EXT2: variants seen among roughly 807,000 people sequenced by gnomAD.
The protein encoded by EXT2 is exostosin-2.
EXT2 carries 53 observed loss-of-function variants against 81.6 expected under a neutral mutation model. The ratio of observed to expected loss-of-function variants is 0.65; its 90% CI spans 0.52 to 0.82. The LOEUF (loss-of-function observed/expected upper bound fraction) is 0.82. Among genes scored for constraint, EXT2 ranks in the 40% least tolerant of loss-of-function variants. The probability of loss-of-function intolerance (pLI) is 0.00; values close to 1 mark genes in which losing one functional copy is unlikely to be tolerated. For synonymous variants in EXT2, 320 were observed against 340.0 expected, an observed-to-expected ratio of 0.94 and a Z score of 0.65; for missense variants, 774 against 910.2, an observed-to-expected ratio of 0.85 and a Z score of 1.93.
At chr11:44,223,489 G>A (rs987564416) in intron 10 of EXT2, among the ~76,000 whole-genome samples, 1 of 152,160 alleles carries the variant, frequency 6.6e-6, no homozygotes, top group African/African-American at 2.4e-5. Flanking sequence ...CAGCTTGGAT[G>A]ATTCTCCAGG....
intron 8 of EXT2, among the ~76,000 whole-genome samples, chr11:44,172,220 C>T (rs903549828): frequency 3.3e-5 from 5 of 152,154 alleles, no homozygotes; most frequent in Non-Finnish European, 4.4e-5. Flanking sequence ...AGAGGCATTA[C>T]GGATTGCTAT....
intron 1 of EXT2, among the ~76,000 whole-genome samples, chr11:44,102,956 T>C (rs1386480775): frequency 6.6e-6 from 1 of 152,196 alleles, no homozygotes; most frequent in Non-Finnish European, 1.5e-5. Context: ...TCCCTGTTGC[T>C]TATATGTGCT....
At chr11:44,233,215 T>A (rs1177849769) in intron 11 of EXT2, among the ~76,000 whole-genome samples, 1 of 152,204 alleles carries the variant, frequency 6.6e-6, no homozygotes, top group African/African-American at 2.4e-5. Context: ...TGTGTGTGTG[T>A]CTGTTGGTTT....
At chr11:44,148,623 T>C (rs1366970823) in intron 7 of EXT2, among the ~76,000 whole-genome samples, 1 of 152,198 alleles carries the variant, frequency 6.6e-6, no homozygotes, top group Non-Finnish European at 1.5e-5. Flanking sequence ...AATAAATTAA[T>C]ACAGGTAAAA....
At chr11:44,176,561 A>C (rs1355742340) in intron 8 of EXT2, among the ~76,000 whole-genome samples, 1 of 152,218 alleles carries the variant, frequency 6.6e-6, no homozygotes, top group Non-Finnish European at 1.5e-5. Flanking sequence ...GATTTAAAGC[A>C]GTGGGTTATA....
intron 1 of EXT2, among the ~76,000 whole-genome samples, chr11:44,096,722 A>C (rs1953904350): frequency 6.6e-6 from 1 of 152,222 alleles, no homozygotes; most frequent in African/African-American, 2.4e-5. Flanking sequence ...AACCAGATCT[A>C]AACACACAAT....
rs548190792 is a variant in EXT2, at chr11:44,170,837, C to T, written c.1174-774C>T. On this transcript the variant is annotated intron_variant, in intron 7 of 13. Transcript: ENST00000533608. Reference sequence around the variant, plus strand: ...ACACACACACACACACACACACACACACACACACACACACACACACCAATC... The same window carrying T: ...ACACACACACACACACACACACACATACACACACACACACACACACCAATC... Among the ~76,000 whole-genome samples, 1,222 of 148,632 alleles carry T rather than the reference C, an allele frequency of 8.2e-3. 22 individuals are homozygous for T. Among genetic ancestry groups the T allele is most frequent in the African/African-American group, 0.03 (1,137 of 38,526 alleles).
intron 8 of EXT2, among the ~76,000 whole-genome samples, chr11:44,184,341 A>G (rs998442678): frequency 5.9e-5 from 9 of 152,352 alleles, no homozygotes; most frequent in Admixed American, 2.0e-4. Flanking sequence ...TCTTGGTTTA[A>G]TAAAACTAGC....
rs534245014 is a variant in EXT2, at chr11:44,165,311, T to A, written c.1174-6300T>A. 1.9e-4 allele frequency among the ~76,000 whole-genome samples: 29 copies of A among 152,356 alleles called. No individual in the cohort carries two copies. In the East Asian group the frequency reaches 5.6e-3, roughly 29 times the overall value. Reference sequence around the variant, plus strand: ...CATTGCCAGCGTAGCTGAAGACTCCTTCCTCTCTGTGGACAAGCAGGCTAT... The same window carrying A: ...CATTGCCAGCGTAGCTGAAGACTCCATCCTCTCTGTGGACAAGCAGGCTAT... On this transcript the variant is annotated intron_variant, in intron 7 of 13. Transcript: ENST00000533608.
intron 7 of EXT2, among the ~76,000 whole-genome samples, chr11:44,155,462 GCTTTCTATTTTTTTGTGTGTAT>G (rs1954844216): frequency 6.6e-6 from 1 of 151,210 alleles, no homozygotes; most frequent in Non-Finnish European, 1.5e-5. Flanking sequence ...TTAATTTCTT[GCTTTCTATTTTTTTGTGTGTAT>G]CTGTTGCAGG....
At chr11:44,097,173 A>C (rs1953910195) in intron 1 of EXT2, among the ~76,000 whole-genome samples, 1 of 152,232 alleles carries the variant, frequency 6.6e-6, no homozygotes, top group South Asian at 2.1e-4. Flanking sequence ...AGATTAAATA[A>C]GTTAACACTA....
At chr11:44,197,555 A>G (rs1955469850) in intron 8 of EXT2, among the ~76,000 whole-genome samples, 1 of 152,072 alleles carries the variant, frequency 6.6e-6, no homozygotes, top group Non-Finnish European at 1.5e-5. Context: ...TTGGGGAGAG[A>G]ATGGAGATAA....
chr11:44,236,888 C>T (rs555665743), intron 13 of EXT2, among the ~76,000 whole-genome samples: 35 of 152,274 alleles, frequency 2.3e-4, no homozygotes, highest in African/African-American at 7.5e-4. Context: ...CTCTTTATTT[C>T]GATTCAAGTC....
At chr11:44,115,081 A>G (rs778099674) in intron 4 of EXT2, among the ~76,000 whole-genome samples, 2 of 152,178 alleles carry the variant, frequency 1.3e-5, no homozygotes, top group Non-Finnish European at 2.9e-5. Context: ...TTATGCTCCC[A>G]TAGCAGCCTG....
intron 7 of EXT2, among the ~76,000 whole-genome samples, chr11:44,161,125 A>G (rs1370508995): frequency 6.6e-6 from 1 of 152,230 alleles, no homozygotes; most frequent in Non-Finnish European, 1.5e-5. Context: ...AGTAGATTTC[A>G]TCTCTAAGAT....
chr11:44,121,467 C>T (rs915563356), intron 4 of EXT2, among the ~76,000 whole-genome samples: 6 of 152,074 alleles, frequency 3.9e-5, no homozygotes, highest in East Asian at 1.9e-4. Flanking sequence ...TCTCTCTTTC[C>T]ATATTTGTAA....
At chr11:44,201,084 A>G (rs1955516542) in intron 9 of EXT2, among the ~76,000 whole-genome samples, 1 of 152,196 alleles carries the variant, frequency 6.6e-6, no homozygotes, top group Non-Finnish European at 1.5e-5. Flanking sequence ...ACTTTGTATG[A>G]ATGGAAGGTG....
chr11:44,175,005 A>G (rs1479112935), intron 8 of EXT2, among the ~76,000 whole-genome samples: 1 of 152,220 alleles, frequency 6.6e-6, no homozygotes, highest in African/African-American at 2.4e-5. Flanking sequence ...AAGGCATTGG[A>G]GTGTTATCTG....
rs35070892 is a variant in EXT2, at chr11:44,172,583, CTTTTTTTTT to C, written c.1305+850_1305+858del. Among the ~76,000 whole-genome samples the C allele has an allele frequency of 1.2e-4, 13 of 107,402 alleles. 1 individual carries two copies. The highest frequency in any genetic ancestry group is 4.2e-4 in the African/African-American group (13 of 31,142). 70.5% of individuals were successfully genotyped at this position (107,402 alleles called of 152,430 possible). A position where few individuals can be genotyped will look rare whatever the true frequency, so the allele number is the denominator to read the frequency against. On this transcript the variant is annotated intron_variant, in intron 8 of 13. Coordinates refer to ENST00000533608, the MANE Select transcript of EXT2 (RefSeq NM_207122.2). Reference sequence around the variant, plus strand: ...TCCTTGTCTCCTGATTCTACCTTTTCTTTTTTTTTTTTTTTTTGAGATGGAGTTTCGCTC... The same window carrying C: ...TCCTTGTCTCCTGATTCTACCTTTTCTTTTTTTTGAGATGGAGTTTCGCTC...
Sources: gnomAD v4.1 joint callset for allele counts (sites outside exome capture counted in the v4.1 genomes callset) on GRCh38, gnomAD v4.1.1 for gene constraint, MANE v1.5 for transcripts, NCBI Gene and HGNC (gene_info 2026-07-23, HGNC 2026-07-21) for gene names.